MYT1L: variants seen among roughly 807,000 people sequenced by gnomAD.
MYT1L encodes myelin transcription factor 1 like.
In MYT1L, 12 loss-of-function variants were observed where a neutral mutation model predicts 126.7. The observed-to-expected ratio is 0.09, with a 90% CI of 0.06 to 0.15. MYT1L has a LOEUF of 0.15. Ranked by LOEUF, MYT1L falls within the 10% of genes least tolerant of loss-of-function variation. The probability of loss-of-function intolerance (pLI) is 1.00; values close to 1 mark genes in which losing one functional copy is unlikely to be tolerated. For missense variants in MYT1L, 979 were observed against 1,585.2 expected (o/e 0.62, Z 6.49); for synonymous variants, 541 against 604.2 (o/e 0.90, Z 1.53).
At chr2:2,249,067 A>G (rs2094586550) in intron 2 of MYT1L, among the ~76,000 whole-genome samples, 1 of 152,168 alleles carries the variant, frequency 6.6e-6, no homozygotes, top group Non-Finnish European at 1.5e-5. Flanking sequence ...GGAAAGGAAG[A>G]AGTAAAGTAA....
At chr2:1,927,416 T>A (rs1184120651) in intron 9 of MYT1L, among the ~76,000 whole-genome samples, 1 of 152,246 alleles carries the variant, frequency 6.6e-6, no homozygotes, top group Non-Finnish European at 1.5e-5. Context: ...AATGAAAACA[T>A]CTTCTTAAAC....
At chr2:2,316,806 T>TTTTA (rs1474597609) in intron 1 of MYT1L, among the ~76,000 whole-genome samples, 1 of 152,256 alleles carries the variant, frequency 6.6e-6, no homozygotes, top group African/African-American at 2.4e-5. Context: ...TTTTCTTTCC[T>TTTTA]TTTATTTATT....
rs989908378 is a variant in MYT1L, at chr2:2,330,111, C to T, written c.-521+856G>A. On this transcript the variant is annotated intron_variant, in intron 1 of 24. Transcript: ENST00000647738. ...GAAGATGAACAATTAGAAAGACCCT[C>T]ATATGCCAGTAAGGGTGGTTTTGGG... is the stretch of plus-strand genomic sequence containing the variant. Among the ~76,000 whole-genome samples, 12 of 152,092 alleles carry T rather than the reference C, an allele frequency of 7.9e-5. No homozygotes were observed. The East Asian group carries it at 2.1e-3, about 27-fold the overall frequency.
Position 1,943,412 on chromosome 2 carries a change from TG to T in MYT1L, c.153-79del. ...TTACTGTCTTTTAAAATCAGACCAA[TG>T]GGGGCCTTGATCAAGGTACTTAAAG... On this transcript the variant is annotated intron_variant, in intron 8 of 24. Transcript: ENST00000647738. This position sits in a 1 kb window ranked among gnomAD's most constrained non-coding sequence, Gnocchi z 4.4. 7.0e-7 allele frequency: 1 copy of T among 1,428,050 alleles called. No individual in the cohort carries two copies. The highest frequency in any genetic ancestry group is 2.5e-5 in the East Asian group (1 of 40,212). 88.5% of individuals were successfully genotyped at this position (1,428,050 alleles called of 1,614,324 possible).
intron 20 of MYT1L, among the ~76,000 whole-genome samples, chr2:1,839,655 A>G (rs1263464699): frequency 6.6e-6 from 1 of 152,218 alleles, no homozygotes; most frequent in Non-Finnish European, 1.5e-5. Flanking sequence ...TTCAGCACAC[A>G]AAAGACCACG....
chr2:2,074,118 T>C (rs1035864863), intron 3 of MYT1L, among the ~76,000 whole-genome samples: 8 of 152,258 alleles, frequency 5.3e-5, no homozygotes, highest in African/African-American at 1.9e-4. Flanking sequence ...AATAAATCAA[T>C]TGTTTAATAA....
At chr2:2,161,442 A>C (rs1176755689) in intron 3 of MYT1L, among the ~76,000 whole-genome samples, 1 of 152,248 alleles carries the variant, frequency 6.6e-6, no homozygotes, top group Non-Finnish European at 1.5e-5. Context: ...TGCCTGCACG[A>C]GGAAGAATGG....
chr2:2,120,357 T>G (rs1234420477), intron 3 of MYT1L, among the ~76,000 whole-genome samples: 2 of 152,174 alleles, frequency 1.3e-5, no homozygotes, highest in Non-Finnish European at 2.9e-5. Context: ...ATAAGTCACG[T>G]GCTGCTTGTA....
chr2:1,842,356 G>C (rs570907170), intron 19 of MYT1L: 1 of 152,712 alleles, frequency 6.5e-6, no homozygotes, highest in African/African-American at 2.4e-5. Flanking sequence ...TGTCTGGGCA[G>C]AAAGGAGGTT....
chr2:2,236,062 C>A (rs2094290297), intron 2 of MYT1L, among the ~76,000 whole-genome samples: 1 of 152,088 alleles, frequency 6.6e-6, no homozygotes, highest in African/African-American at 2.4e-5. Context: ...CACAACCCAA[C>A]CCATTACATC....
intron 1 of MYT1L, among the ~76,000 whole-genome samples, chr2:2,292,152 A>G (rs1352837978): frequency 6.6e-6 from 1 of 152,170 alleles, no homozygotes; most frequent in Non-Finnish European, 1.5e-5. Flanking sequence ...TGAAGGCTCT[A>G]CTATCCTCAG....
chr2:2,213,183 C>A (rs1205627308), intron 2 of MYT1L, among the ~76,000 whole-genome samples: 1 of 152,098 alleles, frequency 6.6e-6, no homozygotes, highest in African/African-American at 2.4e-5. Context: ...TTCAAGACAC[C>A]AGACACAAGA....
intron 3 of MYT1L, among the ~76,000 whole-genome samples, chr2:2,150,216 A>G (rs909119488): frequency 6.6e-6 from 1 of 152,140 alleles, no homozygotes; most frequent in African/African-American, 2.4e-5. Context: ...AATGCAAGAT[A>G]CCGTAAGGCT....
Position 2,092,596 on chromosome 2 carries a change from AACATACAC to A in MYT1L, c.-303-38481_-303-38474del, listed in dbSNP as rs539849898. Among the ~76,000 whole-genome samples, 671 of 152,352 alleles carry A rather than the reference AACATACAC, an allele frequency of 4.4e-3. 13 individuals carry two copies. The highest frequency in any genetic ancestry group is 2.9e-3 in the Non-Finnish European group (194 of 68,034). Reference sequence around the variant, plus strand: ...GTTGTCACAAACCTGCAATTTATAAAACATACACGATCCGTGAAGCACAGTAAAGGGAA... The same window carrying A: ...GTTGTCACAAACCTGCAATTTATAAAGATCCGTGAAGCACAGTAAAGGGAA... On this transcript the variant is annotated intron_variant, in intron 3 of 24. Coordinates refer to ENST00000647738, the MANE Select transcript of MYT1L (RefSeq NM_001303052.2).
chr2:2,011,868 C>A (rs2063858322), intron 4 of MYT1L, among the ~76,000 whole-genome samples: 1 of 152,194 alleles, frequency 6.6e-6, no homozygotes, highest in Non-Finnish European at 1.5e-5. Context: ...ACATGAGATG[C>A]TGACAAGTGC....
At chr2:2,208,999 T>TACACACACAC (rs34194445) in intron 2 of MYT1L, among the ~76,000 whole-genome samples, 49 of 150,086 alleles carry the variant, frequency 3.3e-4, no homozygotes, top group Middle Eastern at 3.5e-3. Flanking sequence ...GGGAGGCATT[T>TACACACACAC]ACACACACAC....
At chr2:1,847,122 AG>A (rs1191926833) in intron 19 of MYT1L, among the ~76,000 whole-genome samples, 1 of 152,178 alleles carries the variant, frequency 6.6e-6, no homozygotes, top group East Asian at 1.9e-4. Flanking sequence ...ATTGTAAAAG[AG>A]CAGAGTGGAA....
intron 3 of MYT1L, among the ~76,000 whole-genome samples, chr2:2,160,154 G>T (rs1310950567): frequency 6.6e-6 from 1 of 152,166 alleles, no homozygotes. Flanking sequence ...CACACTCATT[G>T]CATGTTAGTT....
chr2:1,892,152 G>A lies in MYT1L; in HGVS notation c.2168C>T (p.Thr723Met), dbSNP rs2048970094. Reference sequence around the variant, plus strand: ...CATGTGGGCCGCCTCCATGTCGTGCGTGTAGTCGAAGCTGCTCTTGCTGCA... The same window carrying A: ...CATGTGGGCCGCCTCCATGTCGTGCATGTAGTCGAAGCTGCTCTTGCTGCA... ...STCSKSSFDYTHDMEAAHMAA... is the reference protein window; with the variant it reads ...STCSKSSFDYMHDMEAAHMAA... Residue 723 changes from threonine (T) to methionine (M), a missense_variant, in exon 15 of 25, where the codon ACG (threonine) becomes ATG (methionine). By Grantham distance (81) the Thr-to-Met change is moderately conservative (BLOSUM62 -1). This residue lies in a region of MYT1L where 28 missense variants were observed against 66.6 expected (regional missense o/e 0.42). Coordinates refer to ENST00000647738, the MANE Select transcript of MYT1L (RefSeq NM_001303052.2). 6.5e-7 allele frequency: 1 copy of A among 1,548,626 alleles called. No individual in the cohort carries two copies. The highest frequency in any genetic ancestry group is 8.7e-7 in the Non-Finnish European group (1 of 1,146,664).
Sources: gnomAD v4.1 joint callset for allele counts (sites outside exome capture counted in the v4.1 genomes callset) on GRCh38, gnomAD v4.1.1 for gene constraint, gnomAD v4.1.1 regional missense constraint, Gnocchi (gnomAD v3.1) non-coding constraint, MANE v1.5 for transcripts, NCBI Gene and HGNC (gene_info 2026-07-23, HGNC 2026-07-21) for gene names.